Variants in POLR3B observed in about 807,000 individuals in gnomAD.
POLR3B encodes the protein RNA polymerase III subunit B.
Under a neutral mutation model 147.4 loss-of-function variants are expected in POLR3B, and 96 were observed. The ratio of observed to expected loss-of-function variants is 0.65; its 90% CI spans 0.55 to 0.77. The LOEUF (loss-of-function observed/expected upper bound fraction) is 0.77, where lower values mean the gene tolerates loss of function less well. POLR3B is among the 30% of genes least tolerant of loss of function. The pLI, the probability that POLR3B is intolerant of heterozygous loss-of-function variation, is 0.00. For synonymous variants in POLR3B, 461 were observed against 485.9 expected (o/e 0.95, Z 0.67); for missense variants, 1,036 against 1,413.5 (o/e 0.73, Z 4.28).
chr12:106,431,546 A>G (rs1168329817), intron 14 of POLR3B, among the ~76,000 whole-genome samples: 2 of 152,210 alleles, frequency 1.3e-5, no homozygotes. Context: ...ATGTTTAAAA[A>G]GATTTCTTTT....
chr12:106,373,140 G>A (rs2036633289), intron 6 of POLR3B, among the ~76,000 whole-genome samples: 1 of 152,154 alleles, frequency 6.6e-6, no homozygotes, highest in South Asian at 2.1e-4. Flanking sequence ...TTTTGTATCA[G>A]CATTGCTTTT....
At chr12:106,400,140 TC>T (rs1322429953) in intron 10 of POLR3B, among the ~76,000 whole-genome samples, 1 of 152,118 alleles carries the variant, frequency 6.6e-6, no homozygotes, top group South Asian at 2.1e-4. Flanking sequence ...TGGAGGAAGA[TC>T]TGCCAAGCAA....
chr12:106,466,322 T>A (rs985309854), intron 23 of POLR3B, among the ~76,000 whole-genome samples: 13 of 152,220 alleles, frequency 8.5e-5, no homozygotes, highest in African/African-American at 3.1e-4. Context: ...CTTGTAAATT[T>A]GTTTAAGTCC....
At chr12:106,478,562 A>G (rs1428397190) in intron 23 of POLR3B, among the ~76,000 whole-genome samples, 41 of 151,960 alleles carry the variant, frequency 2.7e-4, no homozygotes, top group Admixed American at 2.6e-3. Flanking sequence ...TGATTAGCCT[A>G]GATTCCCTTG....
At chr12:106,422,761 T>A (rs2037388540) in intron 12 of POLR3B, among the ~76,000 whole-genome samples, 2 of 152,164 alleles carry the variant, frequency 1.3e-5, no homozygotes, top group South Asian at 4.1e-4. Flanking sequence ...ACCTTTACCT[T>A]TTTTAGGAGT....
chr12:106,406,373 T>TGTAAAATATGCTTATGCTTATTGTATA (rs2037150626), intron 11 of POLR3B, among the ~76,000 whole-genome samples: 2 of 152,242 alleles, frequency 1.3e-5, no homozygotes, highest in African/African-American at 2.4e-5. Flanking sequence ...AAATTGCTTA[T>TGTAAAATATGCTTATGCTTATTGTATA]GTAAAATATG....
rs573706897 is a variant in POLR3B at position 106,359,458 on chromosome 12, A to C, written c.72+1507A>C. 7.3e-5 allele frequency among the ~76,000 whole-genome samples: 11 copies of C among 151,348 alleles called. No individual in the cohort carries two copies. The South Asian group carries it at 2.1e-3, about 29-fold the overall frequency. On this transcript the variant is annotated intron_variant, in intron 1 of 27. Transcript: ENST00000228347. ...GCAATTCTCCTGCCTCAGCCTCCCA[A>C]GTAGCTGGGATTACAGGCGCCCACC... is the stretch of plus-strand genomic sequence containing the variant.
chr12:106,507,276 A>G (rs999840830), intron 27 of POLR3B, among the ~76,000 whole-genome samples: 6 of 152,208 alleles, frequency 3.9e-5, no homozygotes, highest in African/African-American at 1.2e-4. Flanking sequence ...TACCTTTGCA[A>G]ATTGTTCAGA....
chr12:106,405,787 T>G (rs1470433884), intron 10 of POLR3B, 70 bp from the exon 11 acceptor site: 1 of 1,465,900 alleles, frequency 6.8e-7, no homozygotes, highest in Non-Finnish European at 9.5e-7. Flanking sequence ...ATACTGTACA[T>G]GTGGTTAGGT....
At position 106,451,630 on chromosome 12, in the gene POLR3B, A is replaced by AG. The variant is rs1177832853; in HGVS notation, c.2084-2870dup. 1.0e-2 allele frequency among the ~76,000 whole-genome samples: 536 copies of AG among 53,868 alleles called. 29 individuals are homozygous for AG. The highest frequency in any genetic ancestry group is 0.052 in the African/African-American group (488 of 9,364). 35.3% of individuals were successfully genotyped at this position (53,868 alleles called of 152,430 possible). On this transcript the variant is annotated intron_variant, in intron 19 of 27. Transcript: ENST00000228347. ...GAGTGAGACTCTGTTATTTAAAAAAAGGCGGGGGGGGAGGAGAGGGGAGGG... is the reference window on the plus strand; with the variant it reads ...GAGTGAGACTCTGTTATTTAAAAAAAGGGCGGGGGGGGAGGAGAGGGGAGGG...
intron 6 of POLR3B, among the ~76,000 whole-genome samples, chr12:106,373,377 T>C (rs1167800864): frequency 6.6e-6 from 1 of 152,210 alleles, no homozygotes; most frequent in Non-Finnish European, 1.5e-5. Flanking sequence ...TTGAATCTTA[T>C]TTTGTCTGCT....
rs2037878064 is a variant in POLR3B at position 106,457,310 on chromosome 12, A to G, written c.2452+14A>G. 1.2e-6 allele frequency: 2 copies of G among 1,605,426 alleles called. No individual in the cohort carries two copies. Among genetic ancestry groups the G allele is most frequent in the African/African-American group, 1.3e-5 (1 of 74,674 alleles). ...TTTGTTCTCCAGGTAAAAGCCTTTT[A>G]AAAGAAAAAATTTTAATACTTTTTG... On this transcript the variant is annotated intron_variant, in intron 21 of 27. Coordinates refer to ENST00000228347, the MANE Select transcript of POLR3B (RefSeq NM_018082.6).
intron 23 of POLR3B, among the ~76,000 whole-genome samples, chr12:106,468,981 A>G (rs2038048821): frequency 6.6e-6 from 1 of 152,132 alleles, no homozygotes. Context: ...GCTGAGTTCA[A>G]GTCCTGGATA....
chr12:106,492,836 G>C (rs1020138442), intron 23 of POLR3B, among the ~76,000 whole-genome samples: 1 of 152,136 alleles, frequency 6.6e-6, no homozygotes, highest in African/African-American at 2.4e-5. Context: ...TTGTCGATTG[G>C]GGTATTGGCA....
At chr12:106,444,982 G>A (rs911026880) in intron 19 of POLR3B, among the ~76,000 whole-genome samples, 25 of 152,116 alleles carry the variant, frequency 1.6e-4, no homozygotes, top group African/African-American at 5.8e-4. Context: ...AAAGATGTAC[G>A]ATGTCTATTT....
In POLR3B at chr12:106,360,711, CAATT is replaced by C. The variant is rs2036458200; in HGVS notation, c.72+2764_72+2767del. 3.3e-5 allele frequency among the ~76,000 whole-genome samples: 5 copies of C among 152,290 alleles called. No individual in the cohort carries two copies. In the South Asian group the frequency reaches 1.0e-3, roughly 32 times the overall value. On this transcript the variant is annotated intron_variant, in intron 1 of 27. Coordinates refer to ENST00000228347, the MANE Select transcript of POLR3B (RefSeq NM_018082.6). ...GTAGAAACAACACAAGCTTTGGAGC[CAATT>C]AATCAGTTACTTGTTGAATAAATAT...
chr12:106,379,964 A>G (rs919838394), intron 8 of POLR3B, 67 bp from the exon 9 acceptor site: 33 of 856,314 alleles, frequency 3.9e-5, no homozygotes, highest in Admixed American at 7.0e-5. Flanking sequence ...GATCATTGCT[A>G]TTATTGCATG....
chr12:106,363,839 G>A, intron 1 of POLR3B, 31 bp from the exon 2 acceptor site: 1 of 1,573,480 alleles, frequency 6.4e-7, no homozygotes, highest in Non-Finnish European at 8.7e-7. Context: ...CTGGTACAGA[G>A]TTCTGATATT....
At chr12:106,493,993 A>G (rs2038440245) in intron 23 of POLR3B, among the ~76,000 whole-genome samples, 1 of 152,220 alleles carries the variant, frequency 6.6e-6, no homozygotes, top group South Asian at 2.1e-4. Flanking sequence ...AATGGAAGGA[A>G]AAAAATCCGA....
Sources: allele counts gnomAD v4.1 joint callset (sites outside exome capture counted in the v4.1 genomes callset), GRCh38; gene constraint gnomAD v4.1.1; transcripts MANE v1.5; gene names NCBI Gene and HGNC (gene_info 2026-07-23, HGNC 2026-07-21).